TNS3: variants seen among roughly 807,000 people sequenced by gnomAD.
TNS3 encodes the protein tensin 3.
TNS3 carries 45 observed loss-of-function variants against 140.9 expected under a neutral mutation model. That is an observed-to-expected ratio of 0.32 (90% CI 0.25 to 0.41). TNS3 has a LOEUF of 0.41. Among genes scored for constraint, TNS3 ranks in the 10% least tolerant of loss-of-function variants. The pLI, the probability that TNS3 is intolerant of heterozygous loss-of-function variation, is 1.00. For missense variants in TNS3, 1,716 were observed against 1,906.7 expected (o/e 0.90, Z 1.86); for synonymous variants, 815 against 788.4 (o/e 1.03, Z -0.56).
At chr7:47,404,678 A>C (rs903659373) in intron 13 of TNS3, among the ~76,000 whole-genome samples, 1 of 152,060 alleles carries the variant, frequency 6.6e-6, no homozygotes, top group Non-Finnish European at 1.5e-5. Context: ...CAAGGTCAGG[A>C]GATCGACACC....
intron 23 of TNS3, among the ~76,000 whole-genome samples, chr7:47,298,052 C>A (rs549721730): frequency 1.3e-5 from 2 of 152,222 alleles, no homozygotes; most frequent in Non-Finnish European, 2.9e-5. Flanking sequence ...TCCCAAAGTG[C>A]TGGGATTACA....
chr7:47,346,866 T>C (rs1789375784), intron 17 of TNS3, among the ~76,000 whole-genome samples: 1 of 152,206 alleles, frequency 6.6e-6, no homozygotes, highest in African/African-American at 2.4e-5. Context: ...AAACCTATTA[T>C]TTCAAGCATC....
At chr7:47,295,790 G>A (rs1156973282) in intron 24 of TNS3, among the ~76,000 whole-genome samples, 2 of 152,094 alleles carry the variant, frequency 1.3e-5, no homozygotes, top group Non-Finnish European at 2.9e-5. Flanking sequence ...CCTGAGGCTG[G>A]ACCTCCTGGC....
intron 3 of TNS3, among the ~76,000 whole-genome samples, chr7:47,500,389 G>A (rs1013827199): frequency 6.6e-6 from 1 of 152,222 alleles, no homozygotes; most frequent in Non-Finnish European, 1.5e-5. Context: ...CGTGCTGGCC[G>A]CGTGAGCTGG....
chr7:47,530,653 G>A (rs974572739), intron 1 of TNS3, among the ~76,000 whole-genome samples: 2 of 150,552 alleles, frequency 1.3e-5, no homozygotes, highest in Non-Finnish European at 3.0e-5. Flanking sequence ...GTGAAACCCC[G>A]TGTCTACTAA....
chr7:47,290,762 A>T (rs1040766474), intron 27 of TNS3, among the ~76,000 whole-genome samples: 1 of 152,232 alleles, frequency 6.6e-6, no homozygotes, highest in African/African-American at 2.4e-5. Flanking sequence ...GCCACATTGG[A>T]AGACAGTTTG....
chr7:47,373,311 T>A (rs562944703), intron 16 of TNS3, among the ~76,000 whole-genome samples: 1 of 152,344 alleles, frequency 6.6e-6, no homozygotes, highest in South Asian at 2.1e-4. Flanking sequence ...GAATGCTTCC[T>A]ATCTTTCAAG....
At chr7:47,344,424 C>T (rs574216025) in intron 20 of TNS3, among the ~76,000 whole-genome samples, 1 of 152,284 alleles carries the variant, frequency 6.6e-6, no homozygotes, top group Non-Finnish European at 1.5e-5. Context: ...CCACAGAGAA[C>T]GTGAAGTGTG....
intron 3 of TNS3, among the ~76,000 whole-genome samples, chr7:47,488,354 A>T (rs1010341687): frequency 2.6e-5 from 4 of 152,190 alleles, no homozygotes; most frequent in Admixed American, 2.6e-4. Flanking sequence ...GGCTGTTGTA[A>T]CAACATACCA....
chr7:47,346,276 G>A lies in TNS3; in HGVS notation c.2362C>T (p.Leu788=), dbSNP rs766249630. ...CCCCATGCACATTTGGAGAAGGGCA[G>A]CTGCCCCCCAGCATCGTTGTCGTAC... ...GQYDNDAGGQ[L]PFSKCAWGKA... The change falls in exon 18 of 31, where the codon CTG becomes TTG. Residue 788 remains leucine, a synonymous_variant. Transcript: ENST00000311160. The A allele has an allele frequency of 1.4e-5, 22 of 1,614,238 alleles. No individual in the cohort carries two copies. The highest frequency in any genetic ancestry group is 1.9e-5 in the Non-Finnish European group (22 of 1,180,044).
chr7:47,435,527 C>T, intron 7 of TNS3, 123 bp from the exon 8 acceptor site: 6 of 1,423,932 alleles, frequency 4.2e-6, no homozygotes, highest in Non-Finnish European at 5.8e-6. Flanking sequence ...CTGGGTGACC[C>T]TTTCCTAAAA....
chr7:47,334,490 T>C (rs1420058610), intron 20 of TNS3, among the ~76,000 whole-genome samples: 1 of 152,166 alleles, frequency 6.6e-6, no homozygotes, highest in Non-Finnish European at 1.5e-5. Context: ...ACTCCGTAAA[T>C]CTACTGAATG....
At chr7:47,564,640 AAAAAAAAAAC>A (rs1322429500) in intron 1 of TNS3, among the ~76,000 whole-genome samples, 36 of 49,536 alleles carry the variant, frequency 7.3e-4, no homozygotes, top group African/African-American at 2.4e-3. Context: ...CGTCTCAAAA[AAAAAAAAAAC>A]AAAAAAAAAC....
upstream of TNS3, chr7:47,582,375 G>A: frequency 4.4e-6 from 2 of 455,458 alleles, no homozygotes; most frequent in Non-Finnish European, 8.8e-6. Context: ...AGCAGCCCAG[G>A]CTCCAAGTGG....
intron 3 of TNS3, among the ~76,000 whole-genome samples, chr7:47,486,025 T>TG (rs938993932): frequency 1.3e-5 from 2 of 151,390 alleles, no homozygotes; most frequent in Non-Finnish European, 3.0e-5. Context: ...TGAGTGTGTG[T>TG]GGGGGTGAGT....
chr7:47,285,212 C>T (rs1392487162), intron 27 of TNS3, among the ~76,000 whole-genome samples: 1 of 152,312 alleles, frequency 6.6e-6, no homozygotes, highest in East Asian at 1.9e-4. Flanking sequence ...TTTCTATCCA[C>T]CGCAAAGGCC....
intron 17 of TNS3, among the ~76,000 whole-genome samples, chr7:47,361,920 A>G (rs1032951845): frequency 1.5e-4 from 23 of 152,214 alleles, no homozygotes; most frequent in African/African-American, 5.1e-4. Flanking sequence ...AAGGTATGAA[A>G]AAAAACCACA....
intron 13 of TNS3, among the ~76,000 whole-genome samples, chr7:47,402,951 C>A (rs919943463): frequency 6.6e-6 from 1 of 152,222 alleles, no homozygotes; most frequent in Non-Finnish European, 1.5e-5. Flanking sequence ...CATTTGCCCA[C>A]AGGAGTCAGG....
chr7:47,330,721 G>T (rs1302295947), intron 20 of TNS3, among the ~76,000 whole-genome samples: 1 of 152,110 alleles, frequency 6.6e-6, no homozygotes, highest in South Asian at 2.1e-4. Flanking sequence ...GAGAAAAGGG[G>T]CATTAAACCA....
Sources: allele counts gnomAD v4.1 joint callset (sites outside exome capture counted in the v4.1 genomes callset), GRCh38; gene constraint gnomAD v4.1.1; transcripts MANE v1.5; gene names NCBI Gene and HGNC (gene_info 2026-07-23, HGNC 2026-07-21).